AKAP19: variants seen among roughly 807,000 people sequenced by gnomAD.
The protein encoded by AKAP19 is A-kinase anchoring protein 19.
At chr2:189,975,030 T>C in the AKAP19 span, among the ~76,000 whole-genome samples, 1 of 152,212 alleles carries the variant, frequency 6.6e-6, no homozygotes, top group South Asian at 2.1e-4. Context: ...ATTATGATAT[T>C]AGCTGGTTAT....
chr2:190,098,219 C>A, the AKAP19 span, among the ~76,000 whole-genome samples: 1 of 152,090 alleles, frequency 6.6e-6, no homozygotes, highest in Admixed American at 6.6e-5. Context: ...CAACTATAGC[C>A]TTATAAAATA....
the AKAP19 span, among the ~76,000 whole-genome samples, chr2:190,055,318 G>A: frequency 1.1e-4 from 14 of 130,864 alleles, no homozygotes; most frequent in Non-Finnish European, 8.1e-5. Flanking sequence ...ATCACACACC[G>A]GGGCCTGTTG....
chr2:189,906,329 T>C, the AKAP19 span, among the ~76,000 whole-genome samples: 1 of 152,044 alleles, frequency 6.6e-6, no homozygotes, highest in Non-Finnish European at 1.5e-5. Context: ...ATTTGAAGAA[T>C]ACAGAATATA....
chr2:190,193,306 A>G, the AKAP19 span, among the ~76,000 whole-genome samples: 1 of 152,032 alleles, frequency 6.6e-6, no homozygotes, highest in Non-Finnish European at 1.5e-5. Context: ...CTCAGTCATC[A>G]TGTTTTATCC....
chr2:189,923,980 G>A, the AKAP19 span: 5 of 1,603,662 alleles, frequency 3.1e-6, no homozygotes, highest in East Asian at 1.1e-4. Context: ...CAGTAGAGAT[G>A]AACAATGTTA....
the AKAP19 span, among the ~76,000 whole-genome samples, chr2:190,038,427 A>G: frequency 6.6e-6 from 1 of 152,092 alleles, no homozygotes. Flanking sequence ...TTGCTACTCA[A>G]TCACTCTGGC....
chr2:189,984,173 C>A, the AKAP19 span, among the ~76,000 whole-genome samples: 1 of 152,068 alleles, frequency 6.6e-6, no homozygotes, highest in Non-Finnish European at 1.5e-5. Context: ...ACCTGTCTGA[C>A]CAAAATTTAT....
At chr2:190,040,277 T>C in the AKAP19 span, among the ~76,000 whole-genome samples, 3 of 152,358 alleles carry the variant, frequency 2.0e-5, no homozygotes, top group South Asian at 2.1e-4. Context: ...ATCAGTGATA[T>C]TGAGCTTTTT....
chr2:190,156,415 T>G, the AKAP19 span, among the ~76,000 whole-genome samples: 1 of 152,128 alleles, frequency 6.6e-6, no homozygotes, highest in Non-Finnish European at 1.5e-5. Context: ...ACACACATAA[T>G]TTCCAAATCT....
At chr2:189,965,139 C>A in the AKAP19 span, among the ~76,000 whole-genome samples, 1 of 152,088 alleles carries the variant, frequency 6.6e-6, no homozygotes, top group African/African-American at 2.4e-5. Flanking sequence ...ATTGTTGCAT[C>A]TTAGGGTATA....
At chr2:189,924,333 T>C in the AKAP19 span, 1 of 938,694 alleles carries the variant, frequency 1.1e-6, no homozygotes, top group Non-Finnish European at 1.7e-6. Flanking sequence ...CTCACTGTTT[T>C]CCCCATCCTT....
the AKAP19 span, among the ~76,000 whole-genome samples, chr2:189,965,575 A>G: frequency 1.3e-5 from 2 of 152,176 alleles, no homozygotes; most frequent in Non-Finnish European, 2.9e-5. Flanking sequence ...GATCAGGGAA[A>G]TGCAAATCAA....
At chr2:190,000,048 A>G in the AKAP19 span, among the ~76,000 whole-genome samples, 6 of 152,236 alleles carry the variant, frequency 3.9e-5, no homozygotes, top group African/African-American at 1.4e-4. Flanking sequence ...CTAGCAGTAC[A>G]GGAACTAAGA....
chr2:190,019,333 A>G, the AKAP19 span, among the ~76,000 whole-genome samples: 1 of 151,944 alleles, frequency 6.6e-6, no homozygotes, highest in African/African-American at 2.4e-5. Context: ...ATGGGGGCAG[A>G]TCTATCTTCT....
At chr2:190,004,575 AC>A in the AKAP19 span, among the ~76,000 whole-genome samples, 1 of 144,760 alleles carries the variant, frequency 6.9e-6, no homozygotes, top group Non-Finnish European at 1.5e-5. Context: ...TTTCTTATAA[AC>A]CTTTTTATTT....
chr2:189,892,103 T>G, the AKAP19 span, among the ~76,000 whole-genome samples: 1 of 152,066 alleles, frequency 6.6e-6, no homozygotes, highest in Non-Finnish European at 1.5e-5. Flanking sequence ...TGTTCTTCTC[T>G]AAACTGGTTA....
At chr2:189,976,589 G>C in the AKAP19 span, among the ~76,000 whole-genome samples, 23 of 152,340 alleles carry the variant, frequency 1.5e-4, no homozygotes, top group Non-Finnish European at 2.4e-4. Context: ...AGTCTACAGA[G>C]GCAGGCAGGC....
chr2:190,198,484 TTAGG>T, the AKAP19 span, among the ~76,000 whole-genome samples: 1 of 151,654 alleles, frequency 6.6e-6, no homozygotes, highest in African/African-American at 2.4e-5. Context: ...CTACAAAAAC[TTAGG>T]TAGGCATGGT....
At chr2:190,074,407 C>T in the AKAP19 span, among the ~76,000 whole-genome samples, 1 of 152,108 alleles carries the variant, frequency 6.6e-6, no homozygotes, top group Non-Finnish European at 1.5e-5. Flanking sequence ...AATCCCAGCA[C>T]TTTGGGAAGC....
Sources: allele counts gnomAD v4.1 joint callset (sites outside exome capture counted in the v4.1 genomes callset), GRCh38; gene constraint gnomAD v4.1.1; transcripts MANE v1.5; gene names NCBI Gene and HGNC (gene_info 2026-07-23, HGNC 2026-07-21).